Variants in SERINC5 observed in about 807,000 individuals in gnomAD.
SERINC5 encodes chromosome 5 open reading frame 12.
In SERINC5, 41 loss-of-function variants were observed where a neutral mutation model predicts 63.1. The ratio of observed to expected loss-of-function variants is 0.65; its 90% CI spans 0.51 to 0.84. The LOEUF (loss-of-function observed/expected upper bound fraction) is 0.84, where lower values mean the gene tolerates loss of function less well. Ranked by LOEUF, SERINC5 falls within the 40% of genes least tolerant of loss-of-function variation. The pLI is 0.00. For missense variants in SERINC5, 523 were observed against 573.0 expected, an observed-to-expected ratio of 0.91 and a Z score of 0.89; for synonymous variants, 222 against 215.2, an observed-to-expected ratio of 1.03 and a Z score of -0.28.
At chr5:80,207,148 G>A (rs1189310035) in intron 1 of SERINC5, among the ~76,000 whole-genome samples, 1 of 151,916 alleles carries the variant, frequency 6.6e-6, no homozygotes, top group Non-Finnish European at 1.5e-5. Flanking sequence ...ACAGGCGCCC[G>A]CCACCACGCC....
chr5:80,148,207 T>TTTTTTTTTTTTG (rs1745948977), intron 9 of SERINC5, among the ~76,000 whole-genome samples: 2 of 147,380 alleles, frequency 1.4e-5, no homozygotes, highest in Non-Finnish European at 3.0e-5. Flanking sequence ...TTTTTTTTTT[T>TTTTTTTTTTTTG]GAGATGGAGA....
At chr5:80,165,400 T>G (rs1747227735) in intron 7 of SERINC5, among the ~76,000 whole-genome samples, 1 of 152,186 alleles carries the variant, frequency 6.6e-6, no homozygotes, top group Non-Finnish European at 1.5e-5. Context: ...TTTATTTGAC[T>G]TATATAAGCT....
At position 80,140,393 on chromosome 5, in the gene SERINC5, T is replaced by C. The variant is rs1745438843; in HGVS notation, c.*3270A>G. 20 of 977,380 alleles carry C rather than the reference T, an allele frequency of 2.0e-5. No individual in the cohort carries two copies. Among genetic ancestry groups the C allele is most frequent in the Non-Finnish European group, 2.4e-5 (20 of 828,144 alleles). The allele number at this position is 977,380 out of a possible 1,614,324, so 60.5% of individuals were successfully genotyped here. A position where few individuals can be genotyped will look rare whatever the true frequency, so the allele number is the denominator to read the frequency against. ...ATTAACATTACACTGAGGTTATTCA[T>C]AATAAAGGATCTTCTGAGGAATCGG... On this transcript the variant is annotated 3_prime_UTR_variant, in exon 12 of 12. Coordinates refer to ENST00000507668, the MANE Select transcript of SERINC5 (RefSeq NM_001174072.3).
At chr5:80,176,175 A>ACT (rs976989000) in intron 4 of SERINC5, among the ~76,000 whole-genome samples, 2 of 152,044 alleles carry the variant, frequency 1.3e-5, no homozygotes, top group Non-Finnish European at 2.9e-5. Flanking sequence ...CGAGACTCTG[A>ACT]CTCTGTCTCG....
At position 80,255,978 on chromosome 5, in the gene SERINC5, C is replaced by A. The variant is rs1323647735; in HGVS notation, c.-56G>T. The A allele has an allele frequency of 6.8e-7, 1 of 1,462,984 alleles. No homozygotes were observed. Among genetic ancestry groups the A allele is most frequent in the Non-Finnish European group, 9.0e-7 (1 of 1,114,532 alleles). The allele number at this position is 1,462,984 out of a possible 1,614,324, so 90.6% of individuals were successfully genotyped here. ...TGGCTCCCCGCGCCGCACGGGCCCTCCTGGCTGCCTCGCGCCTCGAGCGCT... is the reference window on the plus strand; with the variant it reads ...TGGCTCCCCGCGCCGCACGGGCCCTACTGGCTGCCTCGCGCCTCGAGCGCT... On this transcript the variant is annotated 5_prime_UTR_variant, in exon 1 of 12. Transcript: ENST00000507668.
At chr5:80,148,189 C>CTTTTTTTTTTTTTTTTTTTTTT (rs796769914) in intron 9 of SERINC5, among the ~76,000 whole-genome samples, 2 of 102,334 alleles carry the variant, frequency 2.0e-5, no homozygotes, top group Non-Finnish European at 3.9e-5. Context: ...ATTTTTTATT[C>CTTTTTTTTTTTTTTTTTTTTTT]TTTTTTTTTT....
In SERINC5 at chr5:80,226,844, A is replaced by G. The variant is rs191722547; in HGVS notation, c.28-23791T>C. ...CAATAATCCCATGAAGTAAATACTC[A>G]TATTGCCATTTTTCACAAGTAAGAG... On this transcript the variant is annotated intron_variant, in intron 1 of 11. Transcript: ENST00000507668. Among the ~76,000 whole-genome samples, 389 of 152,310 alleles carry G rather than the reference A, an allele frequency of 2.6e-3. 3 individuals carry two copies. The highest frequency in any genetic ancestry group is 2.2e-3 in the Non-Finnish European group (152 of 68,034).
At position 80,124,419 on chromosome 5, in the gene SERINC5, T is replaced by C. The variant is rs570604531; in HGVS notation, c.1239-10794A>G. On this transcript the variant is annotated intron_variant, in intron 11 of 12. Coordinates refer to the SERINC5 transcript ENST00000509193. ...AGTGTCTGCCAAACACAAGTGATGG[T>C]GGCTGACTACCTTGCAACCTCTCTA... Among the ~76,000 whole-genome samples, 7 of 152,336 alleles carry C rather than the reference T, an allele frequency of 4.6e-5. No individual in the cohort carries two copies. In the South Asian group the frequency reaches 1.2e-3, roughly 27 times the overall value.
chr5:80,153,170 T>C (rs1447385917), intron 8 of SERINC5, among the ~76,000 whole-genome samples: 1 of 151,958 alleles, frequency 6.6e-6, no homozygotes, highest in Non-Finnish European at 1.5e-5. Flanking sequence ...AAGATCTTTA[T>C]TCAGTTGCCG....
At chr5:80,181,381 G>C (rs377259831) in intron 2 of SERINC5, among the ~76,000 whole-genome samples, 1 of 143,690 alleles carries the variant, frequency 7.0e-6, no homozygotes, top group South Asian at 2.3e-4. Flanking sequence ...TGAGTAGCTA[G>C]GACTACAGGC....
At chr5:80,243,891 A>G (rs547874380) in intron 1 of SERINC5, among the ~76,000 whole-genome samples, 1 of 152,240 alleles carries the variant, frequency 6.6e-6, no homozygotes, top group East Asian at 1.9e-4. Flanking sequence ...AGATTCCACA[A>G]ACTTTCATAG....
chr5:80,126,684 C>T (rs1483587821), intron 11 of SERINC5, among the ~76,000 whole-genome samples: 4 of 152,186 alleles, frequency 2.6e-5, no homozygotes, highest in Non-Finnish European at 5.9e-5. Flanking sequence ...TAGTTATCCA[C>T]TGCCTTTTTT....
chr5:80,206,264 A>G (rs1176941709), intron 1 of SERINC5, among the ~76,000 whole-genome samples: 1 of 152,260 alleles, frequency 6.6e-6, no homozygotes, highest in African/African-American at 2.4e-5. Context: ...ACAAGCATCA[A>G]TTAGAATGCT....
At chr5:80,133,805 T>C (rs1745044677), downstream of SERINC5, among the ~76,000 whole-genome samples, 1 of 152,120 alleles carries the variant, frequency 6.6e-6, no homozygotes, top group Admixed American at 6.5e-5. Context: ...CCTAAAGACT[T>C]GGGATGGGGT....
In SERINC5 at chr5:80,169,476, T is replaced by C. The variant is rs1747509269; in HGVS notation, c.622A>G (p.Ile208Val). ...ATCAAAACCAAGCCTCCAGTGGCAA[T>C]GGAATACATGATGAGCGTCACCAGG... ...LALVTLIMYSIATGGLVLMAV... is the reference protein window; with the variant it reads ...LALVTLIMYSVATGGLVLMAV... Residue 208 changes from isoleucine to valine, a missense_variant, in exon 6 of 12, where the codon ATT becomes GTT. Ile to Val is a conservative substitution (Grantham distance 29). Coordinates refer to ENST00000507668, the MANE Select transcript of SERINC5 (RefSeq NM_001174072.3). 1.2e-6 allele frequency: 2 copies of C among 1,613,916 alleles called. No homozygotes were observed. Among genetic ancestry groups the C allele is most frequent in the East Asian group, 2.2e-5 (1 of 44,874 alleles).
At chr5:80,182,826 G>A (rs192636779) in intron 2 of SERINC5, among the ~76,000 whole-genome samples, 7 of 152,232 alleles carry the variant, frequency 4.6e-5, no homozygotes, top group South Asian at 2.1e-4. Flanking sequence ...GATTACAGGC[G>A]TGAACCACCA....
chr5:80,212,305 C>A (rs1414464475), intron 1 of SERINC5, among the ~76,000 whole-genome samples: 1 of 152,060 alleles, frequency 6.6e-6, no homozygotes, highest in Non-Finnish European at 1.5e-5. Context: ...GTTATAGTAC[C>A]AAGGTAATAG....
intron 1 of SERINC5, among the ~76,000 whole-genome samples, chr5:80,247,391 G>GGGAA (rs1752212247): frequency 6.6e-6 from 1 of 152,134 alleles, no homozygotes; most frequent in East Asian, 1.9e-4. Context: ...GCAAGCAATG[G>GGGAA]GGAAGGGGGT....
chr5:80,253,230 G>A (rs1752507977), intron 1 of SERINC5, among the ~76,000 whole-genome samples: 1 of 152,130 alleles, frequency 6.6e-6, no homozygotes, highest in African/African-American at 2.4e-5. Context: ...TACAGCCATA[G>A]CCTAAATTAA....
Sources: allele counts gnomAD v4.1 joint callset (sites outside exome capture counted in the v4.1 genomes callset), GRCh38; gene constraint gnomAD v4.1.1; transcripts MANE v1.5; gene names NCBI Gene and HGNC (gene_info 2026-07-23, HGNC 2026-07-21).